The following ZFX variants were observed in gnomAD, a reference collection of about 807,000 sequenced individuals.
ZFX encodes zinc finger X-chromosomal protein.
For synonymous variants in ZFX, 196 were observed against 226.8 expected (o/e 0.86, Z 1.22); for missense variants, 362 against 628.3 (o/e 0.58, Z 4.53).
chrX:24,202,628 T>A (rs1452751721), intron 5 of ZFX, among the ~76,000 whole-genome samples: 1 of 111,548 alleles, frequency 9.0e-6, no homozygotes, highest in Non-Finnish European at 1.9e-5. Flanking sequence ...CTTCTCTGGT[T>A]TATGAACTAC....
chrX:24,169,629 A>G (rs896230107), intron 3 of ZFX, among the ~76,000 whole-genome samples: 6 of 109,122 alleles, frequency 5.5e-5, no homozygotes, highest in Non-Finnish European at 1.1e-4. Context: ...GAAGTTGAGA[A>G]TTGACAAGAT....
At chrX:24,156,671 TG>T (rs1932808874) in intron 3 of ZFX, among the ~76,000 whole-genome samples, 1 of 105,373 alleles carries the variant, frequency 9.5e-6, no homozygotes, top group Non-Finnish European at 1.9e-5. Context: ...TTTTTTTTTT[TG>T]GAGACGGAGT....
At chrX:24,187,486 A>G (rs181356162) in intron 5 of ZFX, among the ~76,000 whole-genome samples, 5 of 112,245 alleles carry the variant, frequency 4.5e-5, no homozygotes, top group African/African-American at 1.6e-4. Flanking sequence ...AATTTCAACA[A>G]TGTTAAACAA....
At position 24,196,890 on chromosome X, in the gene ZFX, T is replaced by G. The variant is rs912157980; in HGVS notation, c.647-10436T>G. Among the ~76,000 whole-genome samples, 5 of 112,796 alleles carry G rather than the reference T, an allele frequency of 4.4e-5. No individual in the cohort carries two copies. The South Asian group carries it at 1.8e-3, about 41-fold the overall frequency. On this transcript the variant is annotated intron_variant, in intron 5 of 9. Coordinates refer to ENST00000304543, the MANE Select transcript of ZFX (RefSeq NM_003410.4). ...GATTACAGGTGTGAGCCACCATGTTTGGCTGTAGGTTGGTTTGTTTGTTTG... is the reference window on the plus strand; with the variant it reads ...GATTACAGGTGTGAGCCACCATGTTGGGCTGTAGGTTGGTTTGTTTGTTTG...
At chrX:24,205,332 G>A (rs1042151475) in intron 5 of ZFX, among the ~76,000 whole-genome samples, 2 of 111,932 alleles carry the variant, frequency 1.8e-5, no homozygotes, top group African/African-American at 6.5e-5. Context: ...ATTGTATTGG[G>A]TGCTAACTTT....
At position 24,213,125 on chromosome X, in the gene ZFX, C is replaced by G. The variant is rs1228110334; in HGVS notation, c.*1749C>G. The G allele has an allele frequency of 2.7e-5, 3 of 111,696 alleles. No homozygotes were observed. The highest frequency in any genetic ancestry group is 9.8e-5 in the African/African-American group (3 of 30,708). 9.2% of individuals were successfully genotyped at this position (111,696 alleles called of 1,213,427 possible). On this transcript the variant is annotated 3_prime_UTR_variant, in exon 10 of 10. Transcript: ENST00000304543. Reference sequence around the variant, plus strand: ...GTTTCACCATCTTGGCCAGGCTGGTCTTGAACCCTGACCTCGTGATCCACC... The same window carrying G: ...GTTTCACCATCTTGGCCAGGCTGGTGTTGAACCCTGACCTCGTGATCCACC...
At chrX:24,205,647 G>A in intron 5 of ZFX, among the ~76,000 whole-genome samples, 1 of 111,679 alleles carries the variant, frequency 9.0e-6, no homozygotes, top group Non-Finnish European at 1.9e-5. Context: ...TTGAGGTCAG[G>A]AATTTGAGAC....
In ZFX at chrX:24,211,484, T is replaced by G; in HGVS notation, c.*108T>G. The G allele has an allele frequency of 1.1e-6, 1 of 924,162 alleles. No individual in the cohort carries two copies. Among genetic ancestry groups the G allele is most frequent in the Non-Finnish European group, 1.5e-6 (1 of 676,315 alleles). The allele number at this position is 924,162 out of a possible 1,213,427, so 76.2% of individuals were successfully genotyped here. On this transcript the variant is annotated 3_prime_UTR_variant, in exon 10 of 10. Transcript: ENST00000304543. ...CAATACTGTATATTGATTTATGCTG[T>G]GTACAAATAGAATTATTACTTCTAG...
chrX:24,179,169 ATTT>A lies in ZFX; in HGVS notation c.59-6_59-4del. The A allele has an allele frequency of 9.6e-7, 1 of 1,041,650 alleles. No homozygotes were observed. The highest frequency in any genetic ancestry group is 1.9e-5 in the African/African-American group (1 of 52,728). 85.8% of individuals were successfully genotyped at this position (1,041,650 alleles called of 1,213,427 possible). ...TACTTACCTGAAATTTGTCATTTTA[ATTT>A]TTTTTTTAAGGAGCTGATGGTACAC... On this transcript the variant is annotated splice_polypyrimidine_tract_variant and intron_variant, in intron 4 of 9. Transcript: ENST00000304543.
intron 3 of ZFX, among the ~76,000 whole-genome samples, chrX:24,157,612 G>C (rs1202927054): frequency 8.9e-6 from 1 of 111,853 alleles, no homozygotes; most frequent in African/African-American, 3.3e-5. Context: ...TGCCTTGAAA[G>C]AAAATCCCAT....
chrX:24,156,964 C>T (rs1189979351), intron 3 of ZFX, among the ~76,000 whole-genome samples: 1 of 111,884 alleles, frequency 8.9e-6, no homozygotes, highest in Admixed American at 9.5e-5. Flanking sequence ...TTAATAATAG[C>T]TTTATAATTA....
At chrX:24,154,796 T>C (rs1243539267) in intron 3 of ZFX, among the ~76,000 whole-genome samples, 6 of 111,677 alleles carry the variant, frequency 5.4e-5, no homozygotes, top group African/African-American at 2.0e-4. Flanking sequence ...TTAAAATAAA[T>C]ATGCAGCCAT....
intron 3 of ZFX, among the ~76,000 whole-genome samples, chrX:24,169,845 T>G (rs1232429541): frequency 9.0e-6 from 1 of 110,831 alleles, no homozygotes; most frequent in Non-Finnish European, 1.9e-5. Flanking sequence ...ACACCTGGGC[T>G]GAGCCGCAGT....
At chrX:24,197,361 A>G (rs1408012202) in intron 5 of ZFX, among the ~76,000 whole-genome samples, 1 of 111,865 alleles carries the variant, frequency 8.9e-6, no homozygotes, top group African/African-American at 3.3e-5. Flanking sequence ...TTAGAGTAGA[A>G]ATTGACAAAA....
At chrX:24,173,520 A>G (rs1934829675) in intron 4 of ZFX, 4 of 1,073,885 alleles carry the variant, frequency 3.7e-6, no homozygotes, top group East Asian at 3.5e-5. Context: ...ACAGTATTAG[A>G]AAACATGTAT....
intron 4 of ZFX, among the ~76,000 whole-genome samples, chrX:24,176,258 C>G (rs1010255969): frequency 3.4e-4 from 35 of 101,609 alleles, no homozygotes; most frequent in Non-Finnish European, 6.5e-4. Context: ...AGGCTGGTCT[C>G]GAACTCCTGA....
Position 24,162,341 on chromosome X carries a change from G to A in ZFX, c.-29+9511G>A, listed in dbSNP as rs139290786. Among the ~76,000 whole-genome samples the A allele has an allele frequency of 4.7e-3, 531 of 112,219 alleles. 4 individuals are homozygous for A. The highest frequency in any genetic ancestry group is 0.028 in the South Asian group (76 of 2,724). On this transcript the variant is annotated intron_variant, in intron 3 of 9. Transcript: ENST00000304543. The stretch of plus-strand genomic sequence containing the variant: ...TTTTGTCTTCAAGTATATTAATTTT[G>A]TACCAGCACACCTTATGAATTCATA...
At chrX:24,187,553 C>T (rs1446918156) in intron 5 of ZFX, among the ~76,000 whole-genome samples, 1 of 111,650 alleles carries the variant, frequency 9.0e-6, no homozygotes, top group Non-Finnish European at 1.9e-5. Flanking sequence ...AGCAGAAGCC[C>T]AGACAGCTTC....
intron 5 of ZFX, among the ~76,000 whole-genome samples, chrX:24,203,480 G>A (rs1221111877): frequency 8.9e-6 from 1 of 112,278 alleles, no homozygotes; most frequent in Non-Finnish European, 1.9e-5. Context: ...TCTATATAGC[G>A]GGTCCCAGCG....
Sources: gnomAD v4.1 joint callset for allele counts (sites outside exome capture counted in the v4.1 genomes callset) on GRCh38, gnomAD v4.1.1 for gene constraint, MANE v1.5 for transcripts, NCBI Gene and HGNC (gene_info 2026-07-23, HGNC 2026-07-21) for gene names.